DNAH8: variants seen among roughly 807,000 people sequenced by gnomAD.
DNAH8 encodes the protein axonemal beta dynein heavy chain 8.
A neutral mutation model predicts 562.1 loss-of-function variants in DNAH8; 382 were observed. That is an observed-to-expected ratio of 0.68 (90% CI 0.63 to 0.74). DNAH8 has a LOEUF of 0.74. Ranked by LOEUF, DNAH8 falls within the 30% of genes least tolerant of loss-of-function variation. The pLI, the probability that DNAH8 is intolerant of heterozygous loss-of-function variation, is 0.00. For missense variants in DNAH8, 5,203 were observed against 5,620.4 expected (o/e 0.93, Z 2.37); for synonymous variants, 1,881 against 1,919.4 (o/e 0.98, Z 0.52).
chr6:38,977,160 A>G (rs1312901919), intron 85 of DNAH8, among the ~76,000 whole-genome samples: 2 of 152,218 alleles, frequency 1.3e-5, no homozygotes, highest in Non-Finnish European at 2.9e-5. Flanking sequence ...CTTGGGCAGA[A>G]GAGTGGTGGA....
rs770077175 is a variant in DNAH8 at position 39,030,207 on chromosome 6, C to G, written c.13939C>G (p.Pro4647Ala). 1 of 1,614,140 alleles carries G rather than the reference C, an allele frequency of 6.2e-7. No individual in the cohort carries two copies. The highest frequency in any genetic ancestry group is 1.7e-5 in the Admixed American group (1 of 60,018). The change falls in exon 93 of 93, where the codon CCC (proline) becomes GCC (alanine). Residue 4647 changes from proline to alanine, a missense_variant. By Grantham distance (27) the Pro-to-Ala change is conservative. This residue lies in a region of DNAH8 where 1,399 missense variants were observed against 1,518.4 expected (regional missense o/e 0.92). Transcript: ENST00000327475. ...CCCCAAGGTACTCTTCACGCAGTTA[C>G]CCGTGCTCCACATCTTTGCCATTAA... ...STPKVLFTQLPVLHIFAINST... is the reference protein window; with the variant it reads ...STPKVLFTQLAVLHIFAINST...
At chr6:38,750,452 A>G in intron 8 of DNAH8, 24 bp from the exon 9 acceptor site, 1 of 1,534,922 alleles carries the variant, frequency 6.5e-7, no homozygotes, top group African/African-American at 1.4e-5. Flanking sequence ...TGTTTCATAG[A>G]ATTCTTATAC....
At chr6:38,736,183 G>A (rs559270883) in intron 5 of DNAH8, among the ~76,000 whole-genome samples, 4 of 151,546 alleles carry the variant, frequency 2.6e-5, no homozygotes, top group Admixed American at 6.6e-5. Flanking sequence ...TGATAATTTC[G>A]CTCTTTTTCT....
chr6:38,949,443 T>C lies in DNAH8; in HGVS notation c.12130-9T>C, dbSNP rs1015893936. 3.2e-6 allele frequency: 5 copies of C among 1,572,540 alleles called. 1 individual carries two copies. Among genetic ancestry groups the C allele is most frequent in the South Asian group, 2.2e-5 (2 of 90,152 alleles). On this transcript the variant is annotated splice_polypyrimidine_tract_variant and intron_variant, in intron 80 of 92. Transcript: ENST00000327475. ...TTCTGTGGCTTGCTAATTGGCTTGC[T>C]TCTTTTAGATATCTCGTAATGAGAA... is the stretch of plus-strand genomic sequence containing the variant.
Position 39,012,215 on chromosome 6 carries a change from G to T in DNAH8, c.13372G>T (p.Val4458Leu). 6.3e-7 allele frequency: 1 copy of T among 1,598,254 alleles called. No individual in the cohort carries two copies. The highest frequency in any genetic ancestry group is 8.5e-7 in the Non-Finnish European group (1 of 1,169,646). The change falls in exon 90 of 93, where the codon GTG becomes TTG. Residue 4458 changes from valine to leucine, a missense_variant and splice_region_variant. Physicochemically the swap from Val to Leu is conservative, Grantham distance 32. Transcript: ENST00000327475. ...KLPPDYIPHE[V>L]KSRLIKMGHL... Reference sequence around the variant, plus strand: ...TATTGCATTGTTTACTTTGTTTTAGGTGAAATCTCGTTTGATAAAGATGGG... The same window carrying T: ...TATTGCATTGTTTACTTTGTTTTAGTTGAAATCTCGTTTGATAAAGATGGG...
At chr6:38,855,978 T>C (rs1776165873) in intron 41 of DNAH8, among the ~76,000 whole-genome samples, 1 of 152,164 alleles carries the variant, frequency 6.6e-6, no homozygotes, top group Non-Finnish European at 1.5e-5. Flanking sequence ...CCCCCGTCCA[T>C]GGAAAAATTG....
chr6:38,982,452 A>G lies in DNAH8; in HGVS notation c.12941A>G (p.Asp4314Gly). ...QFIQNHLDEC[D>G]IKKGVSWNTV... ...ATTCAGAATCACCTTGATGAATGCG[A>G]TATTAAGAAAGTGAGTGAAATTATG... The change falls in exon 86 of 93, where the codon GAT becomes GGT. Residue 4314 changes from aspartate to glycine, a missense_variant. Around this residue, in one of 6 missense-constraint regions of DNAH8, gnomAD observed 1,399 missense variants for 1,518.4 expected, o/e 0.92. Coordinates refer to ENST00000327475, the MANE Select transcript of DNAH8 (RefSeq NM_001206927.2). 6.7e-7 allele frequency: 1 copy of G among 1,502,254 alleles called. No individual in the cohort carries two copies. Among genetic ancestry groups the G allele is most frequent in the Non-Finnish European group, 9.3e-7 (1 of 1,078,906 alleles). The allele number at this position is 1,502,254 out of a possible 1,614,324, so 93.1% of individuals were successfully genotyped here.
chr6:38,899,242 G>T (rs1216442444), intron 61 of DNAH8, among the ~76,000 whole-genome samples: 1 of 152,064 alleles, frequency 6.6e-6, no homozygotes, highest in African/African-American at 2.4e-5. Context: ...AACATGAAAG[G>T]CTGTCTCTCC....
At chr6:38,950,646 A>G (rs1761834647) in intron 81 of DNAH8, among the ~76,000 whole-genome samples, 1 of 152,034 alleles carries the variant, frequency 6.6e-6, no homozygotes, top group African/African-American at 2.4e-5. Context: ...TCACTGTGTT[A>G]GTCAGGATGG....
At chr6:38,894,588 A>G (rs946619511) in intron 58 of DNAH8, 113 bp from the exon 59 acceptor site, 5 of 860,068 alleles carry the variant, frequency 5.8e-6, no homozygotes, top group African/African-American at 1.7e-5. Flanking sequence ...ATCTTGATTT[A>G]TTTACTCAGC....
At chr6:38,723,968 A>AATTTAATTAATTAATTAATTAATT (rs1762985929) in intron 3 of DNAH8, among the ~76,000 whole-genome samples, 2 of 126,338 alleles carry the variant, frequency 1.6e-5, no homozygotes, top group African/African-American at 5.6e-5. Flanking sequence ...TTTCTTTTTA[A>AATTTAATTAATTAATTAATTAATT]ATTTAATTAA....
intron 56 of DNAH8, among the ~76,000 whole-genome samples, chr6:38,884,445 C>CTT (rs1778762970): frequency 6.6e-6 from 1 of 152,200 alleles, no homozygotes; most frequent in African/African-American, 2.4e-5. Context: ...ATGTGCCCGC[C>CTT]ACCACGCCTG....
intron 57 of DNAH8, among the ~76,000 whole-genome samples, chr6:38,890,388 C>T (rs551272530): frequency 3.0e-4 from 46 of 152,244 alleles, no homozygotes; most frequent in Non-Finnish European, 6.0e-4. Context: ...TAAAATGGGA[C>T]TAGTAATAAT....
chr6:38,835,251 C>G (rs940160905), intron 32 of DNAH8, among the ~76,000 whole-genome samples: 5 of 151,990 alleles, frequency 3.3e-5, no homozygotes, highest in African/African-American at 1.2e-4. Flanking sequence ...TTTCCTGTTT[C>G]CCACAGTGGC....
At chr6:38,802,667 G>C (rs1007216420) in intron 21 of DNAH8, among the ~76,000 whole-genome samples, 1 of 152,142 alleles carries the variant, frequency 6.6e-6, no homozygotes, top group Non-Finnish European at 1.5e-5. Context: ...CTGTGAAATG[G>C]GGACCATAAT....
chr6:38,933,231 T>C (rs1292371424), intron 76 of DNAH8, among the ~76,000 whole-genome samples: 2 of 152,132 alleles, frequency 1.3e-5, no homozygotes, highest in African/African-American at 4.8e-5. Flanking sequence ...GCAACTCCAC[T>C]GTCTAAAGGT....
chr6:38,870,757 A>C (rs1380586133), intron 49 of DNAH8, among the ~76,000 whole-genome samples, 195 bp downstream of exon 49: 1 of 152,242 alleles, frequency 6.6e-6, no homozygotes, highest in African/African-American at 2.4e-5. Flanking sequence ...CCTGCCTCAC[A>C]GTAATCAAGC....
At position 38,860,643 on chromosome 6, in the gene DNAH8, T is replaced by C; in HGVS notation, c.6131+14T>C. On this transcript the variant is annotated intron_variant, in intron 43 of 92. Transcript: ENST00000327475. ...ATTAACAGATAGGTAGGAAACCCAG[T>C]TTTCGTTTTTTATTTTGTAATTTTA... 6.8e-7 allele frequency: 1 copy of C among 1,472,504 alleles called. No individual in the cohort carries two copies. The highest frequency in any genetic ancestry group is 8.9e-7 in the Non-Finnish European group (1 of 1,119,474). 91.2% of individuals were successfully genotyped at this position (1,472,504 alleles called of 1,614,324 possible).
intron 8 of DNAH8, among the ~76,000 whole-genome samples, chr6:38,746,322 T>C (rs1043735167): frequency 4.6e-5 from 7 of 152,204 alleles, no homozygotes; most frequent in Admixed American, 4.6e-4. Context: ...GTGTGTTTCC[T>C]TCTGATTCCC....
Sources: gnomAD v4.1 joint callset for allele counts (sites outside exome capture counted in the v4.1 genomes callset) on GRCh38, gnomAD v4.1.1 for gene constraint, gnomAD v4.1.1 regional missense constraint, MANE v1.5 for transcripts, NCBI Gene and HGNC (gene_info 2026-07-23, HGNC 2026-07-21) for gene names.